The following CTNNA3 variants were observed in gnomAD, a reference collection of about 807,000 sequenced individuals.
CTNNA3 encodes the protein catenin alpha 3.
In CTNNA3, 76 loss-of-function variants were observed where a neutral mutation model predicts 95.7. The observed-to-expected ratio is 0.79, with a 90% CI of 0.66 to 0.96. CTNNA3 has a LOEUF of 0.96. CTNNA3 is among the 40% of genes least tolerant of loss of function. The pLI is 0.00. For missense variants in CTNNA3, 1,191 were observed against 1,089.8 expected, an observed-to-expected ratio of 1.09 and a Z score of -1.31; for synonymous variants, 431 against 374.4, an observed-to-expected ratio of 1.15 and a Z score of -1.74.
chr10:66,706,377 A>G (rs1848118189), intron 9 of CTNNA3, among the ~76,000 whole-genome samples: 1 of 149,314 alleles, frequency 6.7e-6, no homozygotes, highest in Non-Finnish European at 1.5e-5. Context: ...TTTTAATTGG[A>G]CCATATGGCC....
At chr10:66,720,148 A>G (rs73322119) in intron 9 of CTNNA3, among the ~76,000 whole-genome samples, 2,446 of 152,184 alleles carry the variant, frequency 0.016, 56 homozygotes, top group African/African-American at 0.057. Flanking sequence ...TAAGGAAAAT[A>G]TTGGAAAGAC....
intron 2 of CTNNA3, among the ~76,000 whole-genome samples, chr10:67,629,536 T>C (rs1027533803): frequency 9.9e-5 from 15 of 152,196 alleles, no homozygotes; most frequent in African/African-American, 3.6e-4. Flanking sequence ...AGAGGTTTTA[T>C]AGGAAAATCC....
intron 7 of CTNNA3, among the ~76,000 whole-genome samples, chr10:66,890,037 C>T (rs576941745): frequency 6.6e-5 from 10 of 152,022 alleles, no homozygotes; most frequent in African/African-American, 1.9e-4. Flanking sequence ...GTGATCCACC[C>T]GCCTTGGCTT....
At chr10:66,838,574 C>T (rs936948343) in intron 7 of CTNNA3, among the ~76,000 whole-genome samples, 2 of 152,078 alleles carry the variant, frequency 1.3e-5, no homozygotes, top group Non-Finnish European at 2.9e-5. Flanking sequence ...AAAATGCCTT[C>T]ATCAGTTAGA....
intron 5 of CTNNA3, among the ~76,000 whole-genome samples, chr10:67,518,750 T>G (rs1337371314): frequency 6.6e-6 from 1 of 152,116 alleles, no homozygotes; most frequent in African/African-American, 2.4e-5. Context: ...ACCTCTTGAT[T>G]TATAAGCACT....
chr10:66,686,440 G>A (rs986781197), intron 9 of CTNNA3, among the ~76,000 whole-genome samples: 3 of 152,164 alleles, frequency 2.0e-5, no homozygotes, highest in African/African-American at 7.2e-5. Flanking sequence ...CTCTGCCTGG[G>A]TGACAGAGTG....
At chr10:66,903,122 T>A (rs1845828560) in intron 7 of CTNNA3, among the ~76,000 whole-genome samples, 1 of 151,826 alleles carries the variant, frequency 6.6e-6, no homozygotes, top group African/African-American at 2.4e-5. Context: ...GATGCAAAAA[T>A]CCTCAATAAA....
chr10:67,138,852 T>C (rs1860413887), intron 7 of CTNNA3, among the ~76,000 whole-genome samples: 1 of 152,140 alleles, frequency 6.6e-6, no homozygotes, highest in African/African-American at 2.4e-5. Context: ...TTACAGAAAT[T>C]AAATTTCCTA....
chr10:67,642,391 AAAG>A (rs1273636616), intron 2 of CTNNA3, among the ~76,000 whole-genome samples: 2 of 152,156 alleles, frequency 1.3e-5, no homozygotes, highest in Non-Finnish European at 2.9e-5. Context: ...ACACTTCTCA[AAAG>A]AAGACATACA....
intron 13 of CTNNA3, among the ~76,000 whole-genome samples, chr10:66,210,554 G>T (rs181396398): frequency 6.6e-6 from 1 of 151,866 alleles, no homozygotes; most frequent in Non-Finnish European, 1.5e-5. Flanking sequence ...CTATTGTTTC[G>T]ATAAGATTTT....
At chr10:67,080,780 G>A (rs972050810) in intron 7 of CTNNA3, among the ~76,000 whole-genome samples, 4 of 151,886 alleles carry the variant, frequency 2.6e-5, no homozygotes, top group Non-Finnish European at 4.4e-5. Flanking sequence ...GTGGTGGCGG[G>A]CGCCTGTGGT....
intron 5 of CTNNA3, among the ~76,000 whole-genome samples, chr10:67,351,185 T>C (rs537871420): frequency 6.6e-6 from 1 of 151,886 alleles, no homozygotes; most frequent in East Asian, 1.9e-4. Flanking sequence ...GATGAGTGGG[T>C]GTCAGGTGTT....
chr10:65,925,679 C>T (rs561888329), intron 17 of CTNNA3, among the ~76,000 whole-genome samples: 20 of 152,254 alleles, frequency 1.3e-4, no homozygotes, highest in East Asian at 3.9e-4. Context: ...TCAGGTCATC[C>T]GCCTTCCTTG....
chr10:65,965,954 T>C (rs2077956565), intron 17 of CTNNA3, among the ~76,000 whole-genome samples: 1 of 152,198 alleles, frequency 6.6e-6, no homozygotes, highest in Non-Finnish European at 1.5e-5. Context: ...CTGAATCCAA[T>C]ATAGATATCA....
At chr10:66,939,407 A>AT (rs1301078502) in intron 7 of CTNNA3, among the ~76,000 whole-genome samples, 1 of 152,220 alleles carries the variant, frequency 6.6e-6, no homozygotes, top group African/African-American at 2.4e-5. Context: ...ACTGAGTTAA[A>AT]AGGAAAATAC....
At chr10:67,421,807 A>G (rs1475178760) in intron 5 of CTNNA3, among the ~76,000 whole-genome samples, 3 of 152,192 alleles carry the variant, frequency 2.0e-5, no homozygotes, top group African/African-American at 4.8e-5. Context: ...CATGTTATAT[A>G]AACTTAAAAA....
intron 3 of CTNNA3, among the ~76,000 whole-genome samples, chr10:67,588,624 T>C (rs1026440064): frequency 1.3e-5 from 2 of 152,120 alleles, no homozygotes; most frequent in Non-Finnish European, 2.9e-5. Flanking sequence ...GTTTGATTAG[T>C]GCTGTGCTCC....
At chr10:67,557,327 G>C (rs753904792) in intron 3 of CTNNA3, among the ~76,000 whole-genome samples, 2 of 152,150 alleles carry the variant, frequency 1.3e-5, no homozygotes, top group Non-Finnish European at 2.9e-5. Flanking sequence ...AACCCCATTG[G>C]TAAGATTATC....
At chr10:67,345,735 T>C (rs1842389481) in intron 5 of CTNNA3, among the ~76,000 whole-genome samples, 1 of 152,170 alleles carries the variant, frequency 6.6e-6, no homozygotes, top group African/African-American at 2.4e-5. Context: ...TGAAGTGTGT[T>C]TTTTGTAAGG....
Sources: gnomAD v4.1 joint callset for allele counts (sites outside exome capture counted in the v4.1 genomes callset) on GRCh38, gnomAD v4.1.1 for gene constraint, MANE v1.5 for transcripts, NCBI Gene and HGNC (gene_info 2026-07-23, HGNC 2026-07-21) for gene names.